CSGALNACT1: variants seen among roughly 807,000 people sequenced by gnomAD.
CSGALNACT1 encodes chondroitin sulfate N-acetylgalactosaminyltransferase 1, also known as beta4GalNAcT-1.
Under a neutral mutation model 51.0 loss-of-function variants are expected in CSGALNACT1, and 52 were observed. The ratio of observed to expected loss-of-function variants is 1.02; its 90% CI spans 0.82 to 1.29. The LOEUF (loss-of-function observed/expected upper bound fraction) is 1.29. CSGALNACT1 is among the 50% of genes most tolerant of loss of function. CSGALNACT1 has a pLI of 0.00. For missense variants in CSGALNACT1, 935 were observed against 679.2 expected, an observed-to-expected ratio of 1.38 and a Z score of -4.19; for synonymous variants, 341 against 254.4, an observed-to-expected ratio of 1.34 and a Z score of -3.24.
chr8:19,649,551 C>T (rs530187320), intron 1 of CSGALNACT1, among the ~76,000 whole-genome samples: 1 of 151,644 alleles, frequency 6.6e-6, no homozygotes, highest in East Asian at 1.9e-4. Flanking sequence ...GTAATTAATC[C>T]CTTAGTTTTT....
At chr8:19,715,318 CAG>C (rs141974945) in intron 1 of CSGALNACT1, among the ~76,000 whole-genome samples, 2,599 of 152,258 alleles carry the variant, frequency 0.017, 83 homozygotes, top group African/African-American at 0.06. Flanking sequence ...GGTGGGGACA[CAG>C]AGCCAAACCA....
chr8:19,643,490 T>C (rs1256884457), intron 1 of CSGALNACT1, among the ~76,000 whole-genome samples: 1 of 152,052 alleles, frequency 6.6e-6, no homozygotes, highest in Non-Finnish European at 1.5e-5. Flanking sequence ...TACAAAAAAT[T>C]AGCTGGGTGT....
intron 3 of CSGALNACT1, among the ~76,000 whole-genome samples, chr8:19,525,379 G>A (rs34475389): frequency 1.6e-3 from 242 of 151,658 alleles, no homozygotes; most frequent in Middle Eastern, 3.4e-3. Context: ...TGAGGCCGGC[G>A]GATCATTTGA....
chr8:19,670,712 G>T (rs958615747), intron 1 of CSGALNACT1, among the ~76,000 whole-genome samples: 6 of 147,238 alleles, frequency 4.1e-5, no homozygotes, highest in Non-Finnish European at 7.4e-5. Context: ...CTTGTCATTT[G>T]CTTGTAGAAA....
intron 5 of CSGALNACT1, among the ~76,000 whole-genome samples, chr8:19,452,111 T>C (rs1017612624): frequency 2.0e-5 from 3 of 152,324 alleles, no homozygotes; most frequent in African/African-American, 7.2e-5. Flanking sequence ...TGCTGTCAAT[T>C]TCAACAGAGT....
intron 3 of CSGALNACT1, among the ~76,000 whole-genome samples, chr8:19,543,099 TAACA>T (rs1420057911): frequency 6.6e-6 from 1 of 152,130 alleles, no homozygotes; most frequent in African/African-American, 2.4e-5. Context: ...GAGTTATAAC[TAACA>T]AATACTAGGC....
intron 1 of CSGALNACT1, among the ~76,000 whole-genome samples, chr8:19,672,472 T>G (rs751961045): frequency 2.0e-5 from 3 of 152,234 alleles, no homozygotes; most frequent in Non-Finnish European, 4.4e-5. Context: ...TCAGCATCGC[T>G]TTAACAAGAC....
At chr8:19,709,152 G>A (rs569322309) in intron 1 of CSGALNACT1, among the ~76,000 whole-genome samples, 1 of 152,352 alleles carries the variant, frequency 6.6e-6, no homozygotes, top group African/African-American at 2.4e-5. Context: ...CTGCCAGCCT[G>A]TGTTCCGATT....
intron 2 of CSGALNACT1, among the ~76,000 whole-genome samples, chr8:19,593,694 A>G (rs1352560626): frequency 6.6e-6 from 1 of 152,256 alleles, no homozygotes; most frequent in Non-Finnish European, 1.5e-5. Context: ...GACTCAGTAC[A>G]GAGAAAAAGA....
chr8:19,686,102 C>T (rs2060961928), upstream of CSGALNACT1, among the ~76,000 whole-genome samples: 1 of 152,172 alleles, frequency 6.6e-6, no homozygotes, highest in African/African-American at 2.4e-5. Flanking sequence ...AATTCTTTTT[C>T]TCCAGTGAAT....
In CSGALNACT1 at chr8:19,674,701, G is replaced by A. The variant is rs555362190; in HGVS notation, c.-544+7772C>T. On this transcript the variant is annotated intron_variant, in intron 1 of 9. Transcript: ENST00000332246. Reference sequence around the variant, plus strand: ...AATCTAACTTACCTTCTAACTTACCGTGAGGTGAAGAATAGACTGAAGGGA... The same window carrying A: ...AATCTAACTTACCTTCTAACTTACCATGAGGTGAAGAATAGACTGAAGGGA... 2.6e-3 allele frequency among the ~76,000 whole-genome samples: 393 copies of A among 152,246 alleles called. 2 individuals are homozygous for A. Among genetic ancestry groups the A allele is most frequent in the Admixed American group, 6.5e-3 (99 of 15,286 alleles).
chr8:19,605,744 A>G (rs2051285316), upstream of CSGALNACT1, among the ~76,000 whole-genome samples: 2 of 152,318 alleles, frequency 1.3e-5, no homozygotes, highest in Non-Finnish European at 2.9e-5. Flanking sequence ...CCCCACCCCC[A>G]AAGAAATGGA....
chr8:19,566,216 A>G (rs2041872490), intron 3 of CSGALNACT1, among the ~76,000 whole-genome samples: 1 of 152,178 alleles, frequency 6.6e-6, no homozygotes, highest in African/African-American at 2.4e-5. Flanking sequence ...TTCTTGTAAG[A>G]GAGAGGCAGA....
intron 1 of CSGALNACT1, among the ~76,000 whole-genome samples, chr8:19,736,394 T>TAA (rs2063975598): frequency 6.6e-6 from 1 of 152,066 alleles, no homozygotes; most frequent in African/African-American, 2.4e-5. Flanking sequence ...AAAGTTTCTA[T>TAA]AGGATAGTCT....
upstream of CSGALNACT1, among the ~76,000 whole-genome samples, chr8:19,606,883 C>G (rs117744625): frequency 6.6e-6 from 1 of 152,014 alleles, no homozygotes; most frequent in Admixed American, 6.6e-5. Flanking sequence ...TAGCCGGGCA[C>G]GGTGGCTCAC....
intron 1 of CSGALNACT1, among the ~76,000 whole-genome samples, chr8:19,712,536 G>A (rs2062571853): frequency 6.6e-6 from 1 of 152,084 alleles, no homozygotes; most frequent in South Asian, 2.1e-4. Flanking sequence ...TTCTCCAAGG[G>A]CCCAAGTAGG....
intron 3 of CSGALNACT1, among the ~76,000 whole-genome samples, chr8:19,577,380 C>T (rs369014198): frequency 2.9e-5 from 4 of 140,110 alleles, no homozygotes; most frequent in Admixed American, 1.4e-4. Flanking sequence ...ACCTAGACAA[C>T]GAAGCCCGAC....
chr8:19,582,146 G>C (rs1347778737), intron 3 of CSGALNACT1, among the ~76,000 whole-genome samples: 3 of 152,270 alleles, frequency 2.0e-5, no homozygotes, highest in African/African-American at 7.2e-5. Context: ...CCCTTTCTCA[G>C]GAGGGCCGTG....
At chr8:19,427,840 C>T (rs1032797926) in intron 6 of CSGALNACT1, among the ~76,000 whole-genome samples, 1 of 152,060 alleles carries the variant, frequency 6.6e-6, no homozygotes, top group African/African-American at 2.4e-5. Context: ...CCATGCCAAG[C>T]CCTCATGCAC....
Sources: allele counts gnomAD v4.1 joint callset (sites outside exome capture counted in the v4.1 genomes callset), GRCh38; gene constraint gnomAD v4.1.1; transcripts MANE v1.5; gene names NCBI Gene and HGNC (gene_info 2026-07-23, HGNC 2026-07-21).